Variants in RERG observed in about 807,000 individuals in gnomAD.
The protein encoded by RERG is ras-related and estrogen-regulated growth inhibitor.
Under a neutral mutation model 23.2 loss-of-function variants are expected in RERG, and 25 were observed. That is an observed-to-expected ratio of 1.08 (90% CI 0.79 to 1.50). RERG has a LOEUF of 1.50. RERG is among the 40% of genes most tolerant of loss of function. The probability of loss-of-function intolerance (pLI) is 0.00; values close to 1 mark genes in which losing one functional copy is unlikely to be tolerated. For missense variants in RERG, 253 were observed against 250.1 expected (o/e 1.01, Z -0.08); for synonymous variants, 81 against 89.1 (o/e 0.91, Z 0.51).
At chr12:15,168,275 G>A (rs1052366763) in intron 2 of RERG, among the ~76,000 whole-genome samples, 2 of 152,108 alleles carry the variant, frequency 1.3e-5, no homozygotes, top group African/African-American at 4.8e-5. Flanking sequence ...TAGCTTCTTC[G>A]TTGCGGTCTG....
intron 2 of RERG, among the ~76,000 whole-genome samples, chr12:15,171,487 T>G (rs1008835091): frequency 6.6e-6 from 1 of 152,080 alleles, no homozygotes; most frequent in African/African-American, 2.4e-5. Flanking sequence ...GAATGCCAGC[T>G]GAGGAGGTGG....
At chr12:15,143,844 G>T (rs1397383913) in intron 2 of RERG, among the ~76,000 whole-genome samples, 1 of 152,146 alleles carries the variant, frequency 6.6e-6, no homozygotes, top group African/African-American at 2.4e-5. Flanking sequence ...ACCAAAGAAG[G>T]TTTCACTAAC....
intron 2 of RERG, among the ~76,000 whole-genome samples, chr12:15,129,373 A>G (rs1351644277): frequency 6.6e-6 from 1 of 152,106 alleles, no homozygotes; most frequent in Non-Finnish European, 1.5e-5. Flanking sequence ...CAAAAACTAG[A>G]TTTCAGATAT....
At chr12:15,139,720 TG>T (rs1300228311) in intron 2 of RERG, among the ~76,000 whole-genome samples, 2 of 152,126 alleles carry the variant, frequency 1.3e-5, no homozygotes, top group Non-Finnish European at 2.9e-5. Flanking sequence ...TGTGCAAATT[TG>T]GGGGGATTTT....
chr12:15,219,151 G>A lies in RERG; in HGVS notation c.-114-1548C>T, dbSNP rs142340395. 2.9e-3 allele frequency among the ~76,000 whole-genome samples: 438 copies of A among 152,232 alleles called. 1 individual carries two copies. The highest frequency in any genetic ancestry group is 7.3e-3 in the Admixed American group (111 of 15,296). On this transcript the variant is annotated intron_variant, in intron 1 of 4. Coordinates refer to ENST00000256953, the MANE Select transcript of RERG (RefSeq NM_032918.3). ...CTGCATAATTCATTCCATTTTCAAG[G>A]CAGTAAAGATGTTTTAAACACAAAT...
At chr12:15,113,388 C>G (rs1863660252) in intron 3 of RERG, among the ~76,000 whole-genome samples, 1 of 152,146 alleles carries the variant, frequency 6.6e-6, no homozygotes, top group East Asian at 1.9e-4. Context: ...CTATAAAGAT[C>G]TGACAATACT....
At chr12:15,146,626 G>A (rs921842264) in intron 2 of RERG, among the ~76,000 whole-genome samples, 6 of 152,202 alleles carry the variant, frequency 3.9e-5, no homozygotes, top group African/African-American at 1.4e-4. Flanking sequence ...CAATTTGAAA[G>A]GTCAGGCTAT....
In RERG at chr12:15,109,205, G is replaced by T; in HGVS notation, c.505C>A (p.Arg169Ser). The T allele has an allele frequency of 6.2e-7, 1 of 1,613,746 alleles. No homozygotes were observed. Reference protein sequence around the residue: ...IFYELCREVRRRRMVQGKTRR... With the variant: ...IFYELCREVRSRRMVQGKTRR... ...GTCTTGCCCTGCACCATCCTCCGGC[G>T]ACGCACCTCTCGACACAATTCATAG... The change falls in exon 5 of 5, where the codon CGC becomes AGC. Residue 169 changes from arginine (R) to serine (S), a missense_variant. Physicochemically the swap from Arg to Ser is moderately radical, Grantham distance 110. Coordinates refer to ENST00000256953, the MANE Select transcript of RERG (RefSeq NM_032918.3).
chr12:15,217,213 T>G lies in RERG; in HGVS notation c.61+216A>C, dbSNP rs899733996. 5.8e-6 allele frequency: 3 copies of G among 518,982 alleles called. No individual in the cohort carries two copies. The African/African-American group carries it at 5.8e-5, about 10-fold the overall frequency. 32.1% of individuals were successfully genotyped at this position (518,982 alleles called of 1,614,324 possible). ...TCTGATATATCCTTTATCTTGTGTG[T>G]TATCAGCAAAGCTACTTCAGCATAA... On this transcript the variant is annotated intron_variant, in intron 2 of 4. Coordinates refer to ENST00000256953, the MANE Select transcript of RERG (RefSeq NM_032918.3).
At position 15,204,395 on chromosome 12, in the gene RERG, C is replaced by T. The variant is rs545332814; in HGVS notation, c.61+13034G>A. Among the ~76,000 whole-genome samples, 26 of 151,832 alleles carry T rather than the reference C, an allele frequency of 1.7e-4. No homozygotes were observed. In the South Asian group the frequency reaches 5.4e-3, roughly 32 times the overall value. ...TGTGCAAAATAATGAAACTGGACCT[C>T]TATCTTATACCATACACAAAAATCA... On this transcript the variant is annotated intron_variant, in intron 2 of 4. Coordinates refer to ENST00000256953, the MANE Select transcript of RERG (RefSeq NM_032918.3).
chr12:15,158,795 G>A (rs1864561864), intron 2 of RERG, among the ~76,000 whole-genome samples: 1 of 152,104 alleles, frequency 6.6e-6, no homozygotes, highest in African/African-American at 2.4e-5. Context: ...GGCATATGTT[G>A]TTGGTTCATG....
At chr12:15,202,511 A>C (rs1271340226) in intron 2 of RERG, among the ~76,000 whole-genome samples, 1 of 151,694 alleles carries the variant, frequency 6.6e-6, no homozygotes, top group Non-Finnish European at 1.5e-5. Flanking sequence ...AAGTTTGACT[A>C]TTGTATTTGC....
At chr12:15,160,865 A>C (rs1038022424) in intron 2 of RERG, among the ~76,000 whole-genome samples, 3 of 150,790 alleles carry the variant, frequency 2.0e-5, no homozygotes, top group African/African-American at 7.3e-5. Context: ...GTCTGGGCGC[A>C]ATGGCTCCCA....
At chr12:15,133,676 T>G (rs1864093012) in intron 2 of RERG, among the ~76,000 whole-genome samples, 2 of 151,928 alleles carry the variant, frequency 1.3e-5, no homozygotes, top group Admixed American at 1.3e-4. Context: ...CCAAACTGTC[T>G]TCCAAAGTAG....
intron 3 of RERG, among the ~76,000 whole-genome samples, chr12:15,111,686 C>CT (rs11296760): frequency 0.01 from 1,335 of 127,954 alleles, 15 homozygotes; most frequent in African/African-American, 0.029. Flanking sequence ...CTATACTTTC[C>CT]TTTTTTTTTT....
intron 2 of RERG, among the ~76,000 whole-genome samples, chr12:15,197,758 T>A (rs1383536138): frequency 6.6e-6 from 1 of 152,140 alleles, no homozygotes; most frequent in Non-Finnish European, 1.5e-5. Context: ...ACTTTATAAA[T>A]TCCTGACTAT....
At chr12:15,145,825 A>G (rs1352008460) in intron 2 of RERG, among the ~76,000 whole-genome samples, 1 of 152,254 alleles carries the variant, frequency 6.6e-6, no homozygotes, top group South Asian at 2.1e-4. Context: ...TTCACGTAAA[A>G]TGGACTATTT....
At chr12:15,203,909 A>C (rs963660541) in intron 2 of RERG, among the ~76,000 whole-genome samples, 9 of 151,634 alleles carry the variant, frequency 5.9e-5, no homozygotes, top group Non-Finnish European at 1.2e-4. Context: ...ACATTGATGA[A>C]AGACATTAAG....
At chr12:15,208,783 A>C (rs1865327927) in intron 2 of RERG, among the ~76,000 whole-genome samples, 1 of 148,980 alleles carries the variant, frequency 6.7e-6, no homozygotes, top group South Asian at 2.1e-4. Context: ...GAAATCTGGC[A>C]AAAATATTAG....
Sources: gnomAD v4.1 joint callset for allele counts (sites outside exome capture counted in the v4.1 genomes callset) on GRCh38, gnomAD v4.1.1 for gene constraint, MANE v1.5 for transcripts, NCBI Gene and HGNC (gene_info 2026-07-23, HGNC 2026-07-21) for gene names.